The following RGL1 variants were observed in gnomAD, a reference collection of about 807,000 sequenced individuals.
The protein encoded by RGL1 is ral guanine nucleotide dissociation stimulator like 1.
A neutral mutation model predicts 95.2 loss-of-function variants in RGL1; 24 were observed. The observed-to-expected ratio is 0.25, with a 90% CI of 0.18 to 0.35. RGL1 has a LOEUF of 0.35. RGL1 is among the 10% of genes least tolerant of loss of function. The pLI, the probability that RGL1 is intolerant of heterozygous loss-of-function variation, is 1.00. For missense variants in RGL1, 715 were observed against 936.3 expected, an observed-to-expected ratio of 0.76 and a Z score of 3.08; for synonymous variants, 329 against 344.9, an observed-to-expected ratio of 0.95 and a Z score of 0.51.
At chr1:183,731,407 G>T (rs1043480122) in intron 1 of RGL1, among the ~76,000 whole-genome samples, 1 of 152,150 alleles carries the variant, frequency 6.6e-6, no homozygotes, top group Non-Finnish European at 1.5e-5. Flanking sequence ...AGGCACTAGA[G>T]AATGTGGAGG....
At chr1:183,731,630 A>G (rs996513291) in intron 1 of RGL1, among the ~76,000 whole-genome samples, 1 of 152,208 alleles carries the variant, frequency 6.6e-6, no homozygotes, top group Admixed American at 6.5e-5. Flanking sequence ...TTGAAAGGCC[A>G]TGACAAAATG....
chr1:183,771,251 C>CAA (rs1325298813), intron 2 of RGL1, among the ~76,000 whole-genome samples: 1 of 150,304 alleles, frequency 6.7e-6, no homozygotes. Flanking sequence ...CATTTCTTTA[C>CAA]ATTTTAGTGT....
intron 3 of RGL1, among the ~76,000 whole-genome samples, chr1:183,861,445 A>G (rs1295796997): frequency 2.0e-5 from 3 of 152,248 alleles, no homozygotes; most frequent in Admixed American, 2.0e-4. Context: ...TACAAAGAAT[A>G]CAGACATCCT....
chr1:183,880,321 C>G (rs1666750522), intron 4 of RGL1, among the ~76,000 whole-genome samples: 1 of 152,186 alleles, frequency 6.6e-6, no homozygotes, highest in African/African-American at 2.4e-5. Context: ...TTCTACACAT[C>G]AATTTTTCTG....
In RGL1 at chr1:183,806,359, A is replaced by T. The variant is rs774342243; in HGVS notation, c.28-16A>T. 3 of 1,598,020 alleles carry T rather than the reference A, an allele frequency of 1.9e-6. No individual in the cohort carries two copies. The South Asian group carries it at 3.3e-5, about 18-fold the overall frequency. On this transcript the variant is annotated splice_polypyrimidine_tract_variant and intron_variant, in intron 1 of 17. Transcript: ENST00000360851. ...AAAAATACTCTTTTTCTTTCTCTTTATCCCGTCCCTGGCAGAGCTCGATTC... is the reference window on the plus strand; with the variant it reads ...AAAAATACTCTTTTTCTTTCTCTTTTTCCCGTCCCTGGCAGAGCTCGATTC...
At chr1:183,806,340 ACT>A (rs748538089) in intron 1 of RGL1, 33 bp from the exon 2 acceptor site, 4 of 1,544,328 alleles carry the variant, frequency 2.6e-6, no homozygotes, top group African/African-American at 1.4e-5. Flanking sequence ...GGAAAAAAAT[ACT>A]CTTTTTCTTT....
At chr1:183,840,539 C>T (rs761866319) in intron 2 of RGL1, among the ~76,000 whole-genome samples, 1 of 151,976 alleles carries the variant, frequency 6.6e-6, no homozygotes, top group Non-Finnish European at 1.5e-5. Flanking sequence ...TGTGCCCTCC[C>T]CAACATAGTT....
intron 2 of RGL1, among the ~76,000 whole-genome samples, chr1:183,842,046 A>G (rs1045848111): frequency 1.3e-5 from 2 of 152,262 alleles, no homozygotes; most frequent in Non-Finnish European, 2.9e-5. Flanking sequence ...TTGTTGCTGG[A>G]TAGTGGTTGT....
At chr1:183,737,582 CAAA>C (rs397805638) in intron 1 of RGL1, among the ~76,000 whole-genome samples, 1 of 118,618 alleles carries the variant, frequency 8.4e-6, no homozygotes. Flanking sequence ...TCTATCTCTA[CAAA>C]AAAAAAAAAA....
chr1:183,889,927 AGGT>A, intron 8 of RGL1, among the ~76,000 whole-genome samples: 1 of 152,078 alleles, frequency 6.6e-6, no homozygotes, highest in Non-Finnish European at 1.5e-5. Context: ...TGAATAATCA[AGGT>A]GATTGTGTGT....
intron 1 of RGL1, among the ~76,000 whole-genome samples, chr1:183,805,966 CTTTTCTTTTTTTTTTTTTTTTT>C (rs1286664618): frequency 2.4e-3 from 68 of 28,382 alleles, no homozygotes; most frequent in African/African-American, 4.6e-3. Flanking sequence ...TTTTTCTTTT[CTTTTCTTTTTTTTTTTTTTTTT>C]TTTTTTTTTT....
At chr1:183,707,443 C>T (rs191692521) in intron 1 of RGL1, among the ~76,000 whole-genome samples, 112 of 152,252 alleles carry the variant, frequency 7.4e-4, no homozygotes, top group Non-Finnish European at 1.1e-3. Flanking sequence ...GTTCCTGCTA[C>T]TTCCCAAAGT....
At chr1:183,654,778 T>C (rs770267691) in intron 1 of RGL1, among the ~76,000 whole-genome samples, 1 of 152,268 alleles carries the variant, frequency 6.6e-6, no homozygotes, top group Non-Finnish European at 1.5e-5. Context: ...AGCACATTTA[T>C]CAATTGCATT....
intron 2 of RGL1, among the ~76,000 whole-genome samples, chr1:183,795,346 C>T (rs1327503323): frequency 6.6e-6 from 1 of 152,172 alleles, no homozygotes; most frequent in Non-Finnish European, 1.5e-5. Flanking sequence ...AGACATTTAT[C>T]AAATAATCAT....
chr1:183,653,652 C>G (rs1558135411), intron 1 of RGL1, among the ~76,000 whole-genome samples: 1 of 152,206 alleles, frequency 6.6e-6, no homozygotes, highest in Non-Finnish European at 1.5e-5. Flanking sequence ...AGAGAGTTGA[C>G]TTCCTCCAAG....
chr1:183,752,736 T>C (rs1287972378), intron 2 of RGL1, among the ~76,000 whole-genome samples: 3 of 147,450 alleles, frequency 2.0e-5, no homozygotes, highest in African/African-American at 7.7e-5. Context: ...CCTTAAGATG[T>C]CTTTATTTTG....
chr1:183,840,147 G>A (rs1663944408), intron 2 of RGL1, among the ~76,000 whole-genome samples: 1 of 152,178 alleles, frequency 6.6e-6, no homozygotes, highest in African/African-American at 2.4e-5. Flanking sequence ...TTCCCCCTGG[G>A]TGTGGGCCAG....
intron 2 of RGL1, among the ~76,000 whole-genome samples, chr1:183,836,336 C>T (rs1441493600): frequency 2.0e-5 from 3 of 152,016 alleles, no homozygotes; most frequent in Admixed American, 6.5e-5. Context: ...CTGCTACCTC[C>T]GCCTCTTGGG....
intron 2 of RGL1, among the ~76,000 whole-genome samples, chr1:183,814,216 T>TCA (rs1661924397): frequency 6.6e-6 from 1 of 150,392 alleles, no homozygotes; most frequent in Non-Finnish European, 1.5e-5. Context: ...AGAGAGAGAA[T>TCA]CATGTCATTT....
Sources: gnomAD v4.1 joint callset for allele counts (sites outside exome capture counted in the v4.1 genomes callset) on GRCh38, gnomAD v4.1.1 for gene constraint, MANE v1.5 for transcripts, NCBI Gene and HGNC (gene_info 2026-07-23, HGNC 2026-07-21) for gene names.